Variants in CSMD1 observed in about 807,000 individuals in gnomAD.
The protein encoded by CSMD1 is CUB and Sushi multiple domains 1.
A neutral mutation model predicts 417.5 loss-of-function variants in CSMD1; 213 were observed. The observed-to-expected ratio is 0.51, with a 90% confidence interval of 0.46 to 0.57. The LOEUF is 0.57. Among genes scored for constraint, CSMD1 ranks in the 20% least tolerant of loss-of-function variants. The pLI, the probability that CSMD1 is intolerant of heterozygous loss-of-function variation, is 0.00. For missense variants in CSMD1, 6,923 were observed against 4,529.7 expected, an observed-to-expected ratio of 1.53 and a Z score of -15.17; for synonymous variants, 2,862 against 1,736.8, an observed-to-expected ratio of 1.65 and a Z score of -16.11.
At chr8:4,113,212 A>T (rs1301861725) in intron 3 of CSMD1, among the ~76,000 whole-genome samples, 1 of 152,046 alleles carries the variant, frequency 6.6e-6, no homozygotes, top group Non-Finnish European at 1.5e-5. Context: ...ACAGTTAAAA[A>T]TCCTACAGTG....
At chr8:3,890,538 C>G (rs942310314) in intron 5 of CSMD1, among the ~76,000 whole-genome samples, 2 of 151,970 alleles carry the variant, frequency 1.3e-5, no homozygotes, top group African/African-American at 4.8e-5. Context: ...CAAAATAACT[C>G]TATCTCTCAA....
Position 3,399,321 on chromosome 8 carries a change from G to T in CSMD1, c.2405+70C>A, listed in dbSNP as rs1054709589. ...AAACTGCCATCTTTTTAAAGTTTAA[G>T]ATCCATTTACTAAAACTATGGAAGA... On this transcript the variant is annotated intron_variant, in intron 16 of 69. Transcript: ENST00000635120. The T allele has an allele frequency of 3.6e-6, 5 of 1,394,830 alleles. No individual in the cohort carries two copies. In the South Asian group the frequency reaches 6.1e-5, roughly 17 times the overall value. The allele number at this position is 1,394,830 out of a possible 1,614,324, so 86.4% of individuals were successfully genotyped here.
At chr8:4,573,842 A>C (rs1186512474) in intron 2 of CSMD1, among the ~76,000 whole-genome samples, 4 of 152,174 alleles carry the variant, frequency 2.6e-5, no homozygotes, top group Non-Finnish European at 5.9e-5. Flanking sequence ...AATCTAGAGA[A>C]GCAGTCTGGC....
At chr8:3,217,550 C>T (rs776832573) in intron 29 of CSMD1, among the ~76,000 whole-genome samples, 2 of 151,956 alleles carry the variant, frequency 1.3e-5, no homozygotes, top group South Asian at 2.1e-4. Context: ...GCGTGGGGGG[C>T]TATCATAGAA....
intron 1 of CSMD1, among the ~76,000 whole-genome samples, chr8:4,965,615 T>C (rs535324692): frequency 2.0e-5 from 3 of 152,344 alleles, no homozygotes; most frequent in South Asian, 2.1e-4. Context: ...CCCTGAAGTT[T>C]ACTGAATTTC....
intron 1 of CSMD1, among the ~76,000 whole-genome samples, chr8:4,739,692 G>C (rs1051851012): frequency 6.6e-6 from 1 of 152,084 alleles, no homozygotes; most frequent in African/African-American, 2.4e-5. Flanking sequence ...TTTTTGTCTA[G>C]CATTTTGTGT....
intron 3 of CSMD1, among the ~76,000 whole-genome samples, chr8:4,157,682 C>T (rs562559988): frequency 1.8e-4 from 28 of 152,350 alleles, no homozygotes; most frequent in African/African-American, 6.5e-4. Flanking sequence ...CATCCCCTCA[C>T]GCCCAACCGG....
intron 5 of CSMD1, among the ~76,000 whole-genome samples, chr8:3,961,343 G>A (rs927778385): frequency 1.3e-5 from 2 of 152,116 alleles, no homozygotes; most frequent in African/African-American, 2.4e-5. Flanking sequence ...TTTTTAACCG[G>A]GTAAGCCACT....
intron 1 of CSMD1, among the ~76,000 whole-genome samples, chr8:4,868,350 C>T (rs1007503989): frequency 1.3e-5 from 2 of 151,960 alleles, no homozygotes; most frequent in Non-Finnish European, 2.9e-5. Flanking sequence ...TCGCCTGCTT[C>T]AGCCTCCCCA....
chr8:3,494,568 A>G (rs113470861), intron 10 of CSMD1, among the ~76,000 whole-genome samples: 131 of 125,516 alleles, frequency 1.0e-3, no homozygotes, highest in African/African-American at 3.6e-3. Context: ...AGATAGATAG[A>G]TAGATAGATA....
chr8:4,561,873 A>G (rs1438489972), intron 2 of CSMD1, among the ~76,000 whole-genome samples: 1 of 152,228 alleles, frequency 6.6e-6, no homozygotes, highest in East Asian at 1.9e-4. Context: ...TCAAAGCCAC[A>G]CAGCGCATAT....
In CSMD1 at chr8:4,673,856, G is replaced by A. The variant is rs73190857; in HGVS notation, c.86-36298C>T. On this transcript the variant is annotated intron_variant, in intron 1 of 69. Coordinates refer to ENST00000635120, the MANE Select transcript of CSMD1 (RefSeq NM_033225.6). Reference sequence around the variant, plus strand: ...ATTGAGTGCTTGCCAGGGACTGCCCGTGATGGAAGTGAGGGGCTGGGGAAT... The same window carrying A: ...ATTGAGTGCTTGCCAGGGACTGCCCATGATGGAAGTGAGGGGCTGGGGAAT... Among the ~76,000 whole-genome samples the A allele has an allele frequency of 3.2e-3, 484 of 152,232 alleles. 2 individuals are homozygous for A. Among genetic ancestry groups the A allele is most frequent in the Non-Finnish European group, 5.6e-3 (383 of 68,024 alleles).
At chr8:4,590,543 C>G (rs1799935315) in intron 2 of CSMD1, among the ~76,000 whole-genome samples, 2 of 151,858 alleles carry the variant, frequency 1.3e-5, no homozygotes, top group Non-Finnish European at 2.9e-5. Context: ...AATTATGACA[C>G]CTCTCCCTAT....
chr8:4,235,059 T>G (rs1801963642), intron 3 of CSMD1, among the ~76,000 whole-genome samples: 3 of 152,136 alleles, frequency 2.0e-5, no homozygotes, highest in Admixed American at 2.0e-4. Context: ...AGGGGACGCA[T>G]TCCATCCATA....
chr8:3,990,140 G>C (rs1010698099), intron 5 of CSMD1, among the ~76,000 whole-genome samples: 43 of 152,270 alleles, frequency 2.8e-4, no homozygotes, highest in Middle Eastern at 3.4e-3. Flanking sequence ...CGTTAATTTA[G>C]TTTTACTTTT....
intron 3 of CSMD1, among the ~76,000 whole-genome samples, chr8:4,269,661 G>C (rs997088016): frequency 2.0e-5 from 3 of 152,032 alleles, no homozygotes; most frequent in African/African-American, 7.2e-5. Context: ...CAGGTTGCCT[G>C]ATCCAAAATA....
intron 7 of CSMD1, among the ~76,000 whole-genome samples, chr8:3,695,409 T>C (rs890901305): frequency 4.0e-5 from 6 of 151,418 alleles, no homozygotes; most frequent in South Asian, 2.1e-4. Flanking sequence ...TCACTTTTAT[T>C]AGGTACACTC....
At chr8:3,992,922 G>A (rs569482949) in intron 5 of CSMD1, among the ~76,000 whole-genome samples, 3 of 152,354 alleles carry the variant, frequency 2.0e-5, no homozygotes, top group Non-Finnish European at 2.9e-5. Flanking sequence ...ACAAAAGATT[G>A]AATTGTTAAC....
At chr8:4,078,607 A>AAT (rs1314675924) in intron 3 of CSMD1, among the ~76,000 whole-genome samples, 1,567 of 146,970 alleles carry the variant, frequency 0.011, 15 homozygotes, top group Non-Finnish European at 0.016. Flanking sequence ...ATGAAATATA[A>AAT]TTTTTTTTTT....
Sources: allele counts gnomAD v4.1 joint callset (sites outside exome capture counted in the v4.1 genomes callset), GRCh38; gene constraint gnomAD v4.1.1; transcripts MANE v1.5; gene names NCBI Gene and HGNC (gene_info 2026-07-23, HGNC 2026-07-21).